CDK5RAP2: variants seen among roughly 807,000 people sequenced by gnomAD.
The protein encoded by CDK5RAP2 is CDK5 regulatory subunit-associated protein 2.
Under a neutral mutation model 232.9 loss-of-function variants are expected in CDK5RAP2, and 147 were observed. The observed-to-expected ratio is 0.63, with a 90% CI of 0.55 to 0.72. The LOEUF (loss-of-function observed/expected upper bound fraction) is 0.72. Ranked by LOEUF, CDK5RAP2 falls within the 30% of genes least tolerant of loss-of-function variation. The pLI is 0.00. For missense variants in CDK5RAP2, 2,195 were observed against 2,231.5 expected, an observed-to-expected ratio of 0.98 and a Z score of 0.33; for synonymous variants, 833 against 833.7, an observed-to-expected ratio of 1.00 and a Z score of 0.01.
chr9:120,534,180 C>A (rs1016886268), intron 7 of CDK5RAP2, among the ~76,000 whole-genome samples: 33 of 152,136 alleles, frequency 2.2e-4, no homozygotes, highest in African/African-American at 7.7e-4. Context: ...CATGTCACCT[C>A]CCCAGCTTCC....
At position 120,514,018 on chromosome 9, in the gene CDK5RAP2, T is replaced by C. The variant is rs187842680; in HGVS notation, c.1311+4409A>G. 7.9e-5 allele frequency among the ~76,000 whole-genome samples: 12 copies of C among 152,334 alleles called. No individual in the cohort carries two copies. In the East Asian group the frequency reaches 1.9e-3, roughly 24 times the overall value. On this transcript the variant is annotated intron_variant, in intron 12 of 37. Coordinates refer to ENST00000349780, the MANE Select transcript of CDK5RAP2 (RefSeq NM_018249.6). ...TTTCCTCAGGCTCTGAGTAAGCCAG[T>C]ACTTCCAAGACCTGGTATAAAACAG...
intron 37 of CDK5RAP2, 115 bp downstream of exon 37, chr9:120,389,626 A>C (rs1038901078): frequency 9.1e-6 from 9 of 985,374 alleles, no homozygotes; most frequent in Non-Finnish European, 9.7e-6. Context: ...CAACTCTCTG[A>C]GGAGGACATG....
intron 19 of CDK5RAP2, among the ~76,000 whole-genome samples, chr9:120,458,860 T>A (rs1172990156): frequency 6.6e-6 from 1 of 152,120 alleles, no homozygotes; most frequent in Non-Finnish European, 1.5e-5. Context: ...GATAGAGATG[T>A]TTACATCACT....
intron 21 of CDK5RAP2, among the ~76,000 whole-genome samples, chr9:120,451,397 G>A (rs2036473326): frequency 6.6e-6 from 1 of 152,158 alleles, no homozygotes; most frequent in African/African-American, 2.4e-5. Context: ...CCATCCTCTT[G>A]TCTGTAACTA....
chr9:120,451,964 T>C (rs2036502830), intron 21 of CDK5RAP2, among the ~76,000 whole-genome samples: 1 of 150,928 alleles, frequency 6.6e-6, no homozygotes. Flanking sequence ...TTCCTTCCTT[T>C]TGAAGACATA....
At chr9:120,571,759 G>A (rs1207647001) in intron 2 of CDK5RAP2, 1 of 578,742 alleles carries the variant, frequency 1.7e-6, no homozygotes, top group African/African-American at 1.9e-5. Flanking sequence ...TGAAACTCAT[G>A]AAGTATGGCC....
At chr9:120,395,186 T>C in intron 35 of CDK5RAP2, among the ~76,000 whole-genome samples, 1 of 152,234 alleles carries the variant, frequency 6.6e-6, no homozygotes, top group Non-Finnish European at 1.5e-5. Context: ...CAACACGTCC[T>C]GTATAAAAGG....
intron 16 of CDK5RAP2, 69 bp from the exon 17 acceptor site, chr9:120,470,289 C>G: frequency 1.4e-6 from 1 of 733,770 alleles, no homozygotes; most frequent in South Asian, 1.7e-5. Context: ...CAGATCCTCC[C>G]AAGACTGACC....
chr9:120,566,289 G>C (rs545581597), intron 3 of CDK5RAP2, among the ~76,000 whole-genome samples: 37 of 152,222 alleles, frequency 2.4e-4, no homozygotes, highest in Non-Finnish European at 4.3e-4. Flanking sequence ...GAGACATCAA[G>C]AACAGTGTGG....
intron 14 of CDK5RAP2, among the ~76,000 whole-genome samples, chr9:120,486,309 C>T (rs1192643565): frequency 1.3e-5 from 2 of 151,898 alleles, no homozygotes; most frequent in Non-Finnish European, 2.9e-5. Context: ...CCTTCACAAA[C>T]CTGCAAGTCA....
chr9:120,465,239 T>C (rs1051971936), intron 18 of CDK5RAP2, among the ~76,000 whole-genome samples: 13 of 152,210 alleles, frequency 8.5e-5, no homozygotes, highest in African/African-American at 2.9e-4. Context: ...CCACAAGTTA[T>C]ACAGTTCCTG....
At chr9:120,459,206 T>C (rs968256398) in intron 19 of CDK5RAP2, among the ~76,000 whole-genome samples, 4 of 152,278 alleles carry the variant, frequency 2.6e-5, no homozygotes, top group South Asian at 4.1e-4. Flanking sequence ...CTAATTCCCA[T>C]GGAGATGTTA....
At chr9:120,556,303 A>C (rs147598844) in intron 3 of CDK5RAP2, among the ~76,000 whole-genome samples, 35 of 152,358 alleles carry the variant, frequency 2.3e-4, no homozygotes, top group Admixed American at 4.6e-4. Flanking sequence ...ACTAAAATGA[A>C]ATAGGGCAAA....
chr9:120,456,375 C>T (rs756535231), intron 20 of CDK5RAP2, among the ~76,000 whole-genome samples: 1 of 152,238 alleles, frequency 6.6e-6, no homozygotes, highest in Non-Finnish European at 1.5e-5. Context: ...CTCCGAACTT[C>T]CCTCCCTCCG....
rs117593609 is a variant in CDK5RAP2 at position 120,489,581 on chromosome 9, A to G, written c.1482+1726T>C. 7.3e-3 allele frequency among the ~76,000 whole-genome samples: 1,107 copies of G among 152,172 alleles called. 9 individuals are homozygous for G. The highest frequency in any genetic ancestry group is 0.027 in the Middle Eastern group (8 of 294). On this transcript the variant is annotated intron_variant, in intron 13 of 37. Coordinates refer to ENST00000349780, the MANE Select transcript of CDK5RAP2 (RefSeq NM_018249.6). Reference sequence around the variant, plus strand: ...TTTTCTGAAAGACTTACTCAACTTTATCTTCCAACTTTTCTTACTCTTCTT... The same window carrying G: ...TTTTCTGAAAGACTTACTCAACTTTGTCTTCCAACTTTTCTTACTCTTCTT...
intron 12 of CDK5RAP2, among the ~76,000 whole-genome samples, chr9:120,499,358 G>A (rs2039468834): frequency 6.6e-6 from 1 of 151,870 alleles, no homozygotes; most frequent in South Asian, 2.1e-4. Context: ...CTCCTTTTGT[G>A]GGTATTTGAA....
At chr9:120,459,982 C>T (rs1215009121) in intron 19 of CDK5RAP2, among the ~76,000 whole-genome samples, 2 of 152,174 alleles carry the variant, frequency 1.3e-5, no homozygotes, top group Non-Finnish European at 2.9e-5. Flanking sequence ...AGACTGCTTG[C>T]TCCACATGTT....
chr9:120,519,100 G>A (rs191311911), intron 11 of CDK5RAP2, among the ~76,000 whole-genome samples: 4 of 152,044 alleles, frequency 2.6e-5, no homozygotes, highest in East Asian at 3.9e-4. Context: ...GCATGAACCC[G>A]GAGGCGGAGG....
intron 3 of CDK5RAP2, among the ~76,000 whole-genome samples, chr9:120,563,162 A>G (rs2042522653): frequency 6.6e-6 from 1 of 152,146 alleles, no homozygotes; most frequent in Non-Finnish European, 1.5e-5. Flanking sequence ...TTGAGGCAAG[A>G]AGGTCCAGGG....
Sources: allele counts gnomAD v4.1 joint callset (sites outside exome capture counted in the v4.1 genomes callset), GRCh38; gene constraint gnomAD v4.1.1; transcripts MANE v1.5; gene names NCBI Gene and HGNC (gene_info 2026-07-23, HGNC 2026-07-21).